The following PRKG1 variants were observed in gnomAD, a reference collection of about 807,000 sequenced individuals.
PRKG1 encodes the protein cGMP-dependent protein kinase 1.
A neutral mutation model predicts 88.1 loss-of-function variants in PRKG1; 35 were observed. That is an observed-to-expected ratio of 0.40 (90% CI 0.30 to 0.53). The LOEUF is 0.53. Ranked by LOEUF, PRKG1 falls within the 20% of genes least tolerant of loss-of-function variation. PRKG1 has a pLI of 0.59. For missense variants in PRKG1, 540 were observed against 839.8 expected, an observed-to-expected ratio of 0.64 and a Z score of 4.41; for synonymous variants, 303 against 292.5, an observed-to-expected ratio of 1.04 and a Z score of -0.37.
chr10:52,166,788 TATATATATAC>T, intron 9 of PRKG1, among the ~76,000 whole-genome samples: 1 of 7,792 alleles, frequency 1.3e-4, no homozygotes, highest in Non-Finnish European at 3.7e-3. Flanking sequence ...TAAAAAAGCC[TATATATATAC>T]ATATATATAT....
chr10:52,034,159 G>A (rs1458861088), intron 5 of PRKG1, among the ~76,000 whole-genome samples: 3 of 152,106 alleles, frequency 2.0e-5, no homozygotes, highest in African/African-American at 4.8e-5. Flanking sequence ...GCGTACATGT[G>A]CAAATCACAG....
chr10:51,582,494 C>A (rs1032704989), intron 3 of PRKG1, among the ~76,000 whole-genome samples: 2 of 152,008 alleles, frequency 1.3e-5, no homozygotes, highest in Admixed American at 1.3e-4. Context: ...CCTCCCTGAC[C>A]CTCCCTGTAT....
rs76472586 is a variant in PRKG1, at chr10:52,055,958, G to T, written c.840+1397G>T. On this transcript the variant is annotated intron_variant, in intron 6 of 17. Transcript: ENST00000373980. ...TGGACTACTTTTGGATCAAGTGTAT[G>T]CATATGTCAGTATTTACACCAGTGG... is the stretch of plus-strand genomic sequence containing the variant. 9.9e-3 allele frequency among the ~76,000 whole-genome samples: 1,506 copies of T among 152,178 alleles called. 22 individuals carry two copies. Among genetic ancestry groups the T allele is most frequent in the African/African-American group, 0.034 (1,430 of 41,530 alleles).
At chr10:51,112,812 C>A in intron 1 of PRKG1, among the ~76,000 whole-genome samples, 1 of 152,110 alleles carries the variant, frequency 6.6e-6, no homozygotes, top group Non-Finnish European at 1.5e-5. Context: ...TTAGTGTCGA[C>A]CATGTTAACT....
At chr10:51,492,756 T>C (rs1264450041) in intron 3 of PRKG1, among the ~76,000 whole-genome samples, 1 of 152,150 alleles carries the variant, frequency 6.6e-6, no homozygotes, top group African/African-American at 2.4e-5. Context: ...CACTTGAACT[T>C]ACAGGAATTA....
At chr10:51,570,461 C>T (rs560659728) in intron 3 of PRKG1, among the ~76,000 whole-genome samples, 68 of 151,920 alleles carry the variant, frequency 4.5e-4, no homozygotes, top group African/African-American at 1.5e-3. Flanking sequence ...ATCCTCACTG[C>T]CTTCAAATTG....
At chr10:52,040,713 A>G (rs1444682237) in intron 5 of PRKG1, among the ~76,000 whole-genome samples, 1 of 151,840 alleles carries the variant, frequency 6.6e-6, no homozygotes, top group African/African-American at 2.4e-5. Flanking sequence ...TCAGTATTGT[A>G]TTGAACAGAA....
intron 2 of PRKG1, among the ~76,000 whole-genome samples, chr10:51,316,518 C>T (rs957699164): frequency 1.3e-5 from 2 of 151,950 alleles, no homozygotes; most frequent in African/African-American, 4.8e-5. Flanking sequence ...ACCATCTCTA[C>T]TAAAAATACA....
At position 51,885,912 on chromosome 10, in the gene PRKG1, G is replaced by A. The variant is rs150334713; in HGVS notation, c.699-21595G>A. 2.8e-4 allele frequency among the ~76,000 whole-genome samples: 42 copies of A among 152,234 alleles called. No homozygotes were observed. The East Asian group carries it at 7.9e-3, about 29-fold the overall frequency. ...TTATGCATTCCCATAATCTTTCTAA[G>A]CTGGAAGGTATGAAATACATCTTTT... On this transcript the variant is annotated intron_variant, in intron 4 of 17. Coordinates refer to ENST00000373980, the MANE Select transcript of PRKG1 (RefSeq NM_006258.4).
intron 3 of PRKG1, among the ~76,000 whole-genome samples, chr10:51,719,156 A>AAAAAAG (rs57226820): frequency 6.7e-6 from 1 of 150,224 alleles, no homozygotes; most frequent in Non-Finnish European, 1.5e-5. Flanking sequence ...TCTCAAAAAA[A>AAAAAAG]AGAGAGAGAG....
At chr10:52,040,069 T>C (rs1409415365) in intron 5 of PRKG1, among the ~76,000 whole-genome samples, 1 of 152,188 alleles carries the variant, frequency 6.6e-6, no homozygotes, top group Non-Finnish European at 1.5e-5. Flanking sequence ...TTCCATTCTT[T>C]ATTGACCTCA....
intron 4 of PRKG1, among the ~76,000 whole-genome samples, chr10:51,877,182 C>G (rs1841320792): frequency 6.6e-6 from 1 of 152,094 alleles, no homozygotes; most frequent in African/African-American, 2.4e-5. Flanking sequence ...AGCAATCCTC[C>G]TGTGTATCTG....
At chr10:52,290,363 A>G (rs1487315381) in intron 17 of PRKG1, 73 bp downstream of exon 17, 5 of 1,292,804 alleles carry the variant, frequency 3.9e-6, no homozygotes, top group Non-Finnish European at 5.4e-6. Flanking sequence ...ATGATCTGTT[A>G]TTTTTAAAGT....
chr10:52,290,951 C>A (rs1241633304), intron 17 of PRKG1, among the ~76,000 whole-genome samples: 1 of 125,586 alleles, frequency 8.0e-6, no homozygotes, highest in African/African-American at 3.0e-5. Flanking sequence ...GAGATGGAGT[C>A]TTAATCTGTC....
chr10:51,078,376 T>C (rs957445677), intron 1 of PRKG1, among the ~76,000 whole-genome samples: 1 of 143,672 alleles, frequency 7.0e-6, no homozygotes, highest in African/African-American at 2.6e-5. Context: ...GTGCCACCAA[T>C]GCCTGGCTAT....
chr10:52,274,127 AT>A (rs928110004), intron 12 of PRKG1, among the ~76,000 whole-genome samples: 1 of 151,682 alleles, frequency 6.6e-6, no homozygotes, highest in Non-Finnish European at 1.5e-5. Flanking sequence ...ATAGCTTATT[AT>A]TTTTTTATTT....
chr10:51,372,078 A>T (rs945528433), intron 2 of PRKG1, among the ~76,000 whole-genome samples: 1 of 152,162 alleles, frequency 6.6e-6, no homozygotes, highest in East Asian at 1.9e-4. Context: ...ATAATAAAAA[A>T]CATATGGATA....
At chr10:51,699,347 TC>T in intron 3 of PRKG1, 2 of 1,614,146 alleles carry the variant, frequency 1.2e-6, no homozygotes, top group Non-Finnish European at 1.7e-6. Context: ...AAGCGCGGTC[TC>T]CTGGTCTTGG....
intron 2 of PRKG1, among the ~76,000 whole-genome samples, chr10:51,268,020 G>C (rs556424838): frequency 6.6e-6 from 1 of 152,096 alleles, no homozygotes; most frequent in Non-Finnish European, 1.5e-5. Flanking sequence ...GAAATAAAGG[G>C]ACAGAGTACA....
Sources: allele counts gnomAD v4.1 joint callset (sites outside exome capture counted in the v4.1 genomes callset), GRCh38; gene constraint gnomAD v4.1.1; transcripts MANE v1.5; gene names NCBI Gene and HGNC (gene_info 2026-07-23, HGNC 2026-07-21).